The following SMC6 variants were observed in gnomAD, a reference collection of about 807,000 sequenced individuals.
SMC6 encodes the protein structural maintenance of chromosomes protein 6.
SMC6 carries 79 observed loss-of-function variants against 142.2 expected under a neutral mutation model. The ratio of observed to expected loss-of-function variants is 0.56; its 90% CI spans 0.46 to 0.67. The LOEUF is 0.67. Ranked by LOEUF, SMC6 falls within the 30% of genes least tolerant of loss-of-function variation. The pLI, the probability that SMC6 is intolerant of heterozygous loss-of-function variation, is 0.00. For missense variants in SMC6, 1,072 were observed against 1,284.0 expected (o/e 0.83, Z 2.52); for synonymous variants, 411 against 412.4 (o/e 1.00, Z 0.04).
intron 4 of SMC6, among the ~76,000 whole-genome samples, chr2:17,740,059 C>A (rs896169075): frequency 6.6e-6 from 1 of 152,148 alleles, no homozygotes; most frequent in African/African-American, 2.4e-5. Context: ...TCCTGGAATG[C>A]CTGTAAAGTT....
intron 5 of SMC6, among the ~76,000 whole-genome samples, chr2:17,734,735 T>C (rs1354108215): frequency 2.7e-5 from 2 of 75,014 alleles, no homozygotes; most frequent in African/African-American, 4.2e-5. Context: ...AATTTTCTTT[T>C]CTTTTTTTCT....
intron 5 of SMC6, among the ~76,000 whole-genome samples, chr2:17,732,410 G>A (rs1183467562): frequency 6.6e-6 from 1 of 152,018 alleles, no homozygotes; most frequent in Non-Finnish European, 1.5e-5. Flanking sequence ...ATCAAGAAGT[G>A]TAACTAGGCA....
chr2:17,724,483 G>T (rs1260441403), intron 9 of SMC6, among the ~76,000 whole-genome samples: 1 of 152,062 alleles, frequency 6.6e-6, no homozygotes, highest in Admixed American at 6.6e-5. Flanking sequence ...AAACTCAATT[G>T]GTTATATAAA....
intron 23 of SMC6, among the ~76,000 whole-genome samples, chr2:17,694,000 CAAAAAAAAAAAA>C (rs751816590): frequency 8.7e-5 from 3 of 34,514 alleles, no homozygotes; most frequent in Admixed American, 3.0e-4. Context: ...AACTCCATCT[CAAAAAAAAAAAA>C]AAAAAAAAAA....
intron 23 of SMC6, 93 bp from the exon 24 acceptor site, chr2:17,683,856 G>T (rs953919515): frequency 1.7e-6 from 2 of 1,167,406 alleles, no homozygotes; most frequent in Non-Finnish European, 2.5e-6. Context: ...GAAGAACAGG[G>T]AGGGGCAGAG....
intron 26 of SMC6, among the ~76,000 whole-genome samples, chr2:17,668,829 A>G (rs1666624029): frequency 6.6e-6 from 1 of 152,206 alleles, no homozygotes; most frequent in African/African-American, 2.4e-5. Context: ...GTACGATATC[A>G]TGAAGGGTCT....
intron 4 of SMC6, among the ~76,000 whole-genome samples, chr2:17,738,693 T>C (rs1670278446): frequency 6.6e-6 from 1 of 152,214 alleles, no homozygotes; most frequent in African/African-American, 2.4e-5. Flanking sequence ...ATTCATCTAA[T>C]TTTTATGACA....
intron 18 of SMC6, among the ~76,000 whole-genome samples, chr2:17,706,182 G>A (rs1431629528): frequency 6.6e-6 from 1 of 152,092 alleles, no homozygotes; most frequent in Non-Finnish European, 1.5e-5. Flanking sequence ...CTGAAGATTA[G>A]ATTAAAATGT....
intron 26 of SMC6, among the ~76,000 whole-genome samples, chr2:17,666,875 G>A (rs1017041275): frequency 2.0e-5 from 3 of 151,990 alleles, no homozygotes; most frequent in Non-Finnish European, 2.9e-5. Context: ...CTAGCTACTC[G>A]GGAGGCCGAG....
At chr2:17,739,972 C>CA (rs1273536028) in intron 4 of SMC6, among the ~76,000 whole-genome samples, 1 of 149,030 alleles carries the variant, frequency 6.7e-6, no homozygotes, top group Non-Finnish European at 1.5e-5. Context: ...CCAATCCAAT[C>CA]AACTATTATT....
rs536407531 is a variant in SMC6, at chr2:17,711,915, G to A, written c.1730+2946C>T. Among the ~76,000 whole-genome samples the A allele has an allele frequency of 2.8e-3, 433 of 152,252 alleles. 2 individuals are homozygous for A. The highest frequency in any genetic ancestry group is 0.01 in the African/African-American group (425 of 41,552). On this transcript the variant is annotated intron_variant, in intron 16 of 27. Transcript: ENST00000448223. ...ATTACAGGTGTGAGCCACCGTGACT[G>A]GTCTAAATTTGGTGTATTTTTAATT...
chr2:17,713,500 GC>G (rs1251695487), intron 16 of SMC6: 1 of 471,020 alleles, frequency 2.1e-6, no homozygotes, highest in Non-Finnish European at 4.4e-6. Flanking sequence ...GCAAGGCAGT[GC>G]CAGGCACTCT....
rs201608580 is a variant in SMC6, at chr2:17,665,647, A to T, written c.3162-34T>A. On this transcript the variant is annotated intron_variant, in intron 27 of 27. Coordinates refer to ENST00000448223, the MANE Select transcript of SMC6 (RefSeq NM_001142286.2). ...AGCAAAATCAATTACTCAAATTTCC[A>T]AGAAACCTTTTACCAATTAAAAAAA... 44 of 1,378,940 alleles carry T rather than the reference A, an allele frequency of 3.2e-5. 1 individual carries two copies. In the South Asian group the frequency reaches 5.5e-4, roughly 17 times the overall value. 85.4% of individuals were successfully genotyped at this position (1,378,940 alleles called of 1,614,324 possible). A position where few individuals can be genotyped will look rare whatever the true frequency, so the allele number is the denominator to read the frequency against.
intron 24 of SMC6, 58 bp from the exon 25 acceptor site, chr2:17,679,022 A>G: frequency 8.6e-7 from 1 of 1,168,140 alleles, no homozygotes; most frequent in Non-Finnish European, 1.3e-6. Context: ...TAAAAACTAT[A>G]TTCAGCATGA....
At chr2:17,694,992 A>ATC (rs201471536) in intron 23 of SMC6, among the ~76,000 whole-genome samples, 160 bp downstream of exon 23, 2,673 of 152,334 alleles carry the variant, frequency 0.018, 91 homozygotes, top group Admixed American at 0.077. Flanking sequence ...AAAGGTTACT[A>ATC]TTTATTGAGA....
At chr2:17,696,483 T>A in intron 21 of SMC6, 57 bp from the exon 22 acceptor site, 1 of 1,551,930 alleles carries the variant, frequency 6.4e-7, no homozygotes, top group Middle Eastern at 1.7e-4. Context: ...AGCATAGGTA[T>A]AAAGATAATA....
chr2:17,691,800 A>G (rs9753425), intron 23 of SMC6, among the ~76,000 whole-genome samples: 70,989 of 151,818 alleles, frequency 0.47, 18,149 homozygotes, highest in African/African-American at 0.64. Flanking sequence ...ACATGATTGT[A>G]TATCTAGAAA....
chr2:17,669,113 G>C (rs540573221), intron 26 of SMC6, among the ~76,000 whole-genome samples: 2 of 152,092 alleles, frequency 1.3e-5, no homozygotes, highest in African/African-American at 4.8e-5. Context: ...AAGGAGAAGC[G>C]GACAGAGGTC....
At position 17,690,844 on chromosome 2, in the gene SMC6, C is replaced by A. The variant is rs138117043; in HGVS notation, c.2678+4308G>T. Among the ~76,000 whole-genome samples the A allele has an allele frequency of 5.3e-5, 8 of 151,866 alleles. No homozygotes were observed. In the East Asian group the frequency reaches 1.2e-3, roughly 22 times the overall value. ...TATCAGAAAAAAGAATCTAAGAAGG[C>A]CACACGCTGTTTAGGCTGTAGGAAA... On this transcript the variant is annotated intron_variant, in intron 23 of 27. Coordinates refer to ENST00000448223, the MANE Select transcript of SMC6 (RefSeq NM_001142286.2).
Sources: gnomAD v4.1 joint callset for allele counts (sites outside exome capture counted in the v4.1 genomes callset) on GRCh38, gnomAD v4.1.1 for gene constraint, MANE v1.5 for transcripts, NCBI Gene and HGNC (gene_info 2026-07-23, HGNC 2026-07-21) for gene names.